ACTN3: variants seen among roughly 807,000 people sequenced by gnomAD.
The protein encoded by ACTN3 is actinin alpha 3.
In ACTN3, 91 loss-of-function variants were observed where a neutral mutation model predicts 119.6. The ratio of observed to expected loss-of-function variants is 0.76; its 90% CI spans 0.64 to 0.91. The LOEUF is 0.91. ACTN3 is among the 40% of genes least tolerant of loss of function. ACTN3 has a pLI of 0.00. For missense variants in ACTN3, 1,221 were observed against 1,215.1 expected (o/e 1.00, Z -0.07); for synonymous variants, 456 against 478.8 (o/e 0.95, Z 0.62).
Position 66,562,831 on chromosome 11 carries a change from G to A in ACTN3, c.2424G>A (p.Val808=), listed in dbSNP as rs1288478022. 1 of 1,613,290 alleles carries A rather than the reference G, an allele frequency of 6.2e-7. No individual in the cohort carries two copies. The highest frequency in any genetic ancestry group is 8.5e-7 in the Non-Finnish European group (1 of 1,179,580). Residue 808 remains valine, a synonymous_variant, in exon 20 of 21, where the codon GTG becomes GTA. Transcript: ENST00000513398. The stretch of plus-strand genomic sequence containing the variant: ...AGTTTGCTCGCATCATGACCATGGT[G>A]GACCCCAACGCAGCTGGGGTGGTGA... ...EVEFARIMTM[V]DPNAAGVVTF... is the part of the protein sequence containing the mutation.
intron 3 of ACTN3, among the ~76,000 whole-genome samples, 192 bp from the exon 4 acceptor site, chr11:66,553,853 C>CAAAAA (rs11448724): frequency 1.2e-5 from 1 of 81,736 alleles, no homozygotes. Flanking sequence ...GACTCCATCT[C>CAAAAA]AAAAAAAAAA....
chr11:66,563,027 C>G lies in ACTN3; in HGVS notation c.2548-8C>G. ...GACCTGTGGGTCCTCAACGCCTCTT[C>G]TCCCCAGAACTACATCACCCCCGAG... On this transcript the variant is annotated splice_region_variant and splice_polypyrimidine_tract_variant and intron_variant, in intron 20 of 20. Transcript: ENST00000513398. 1 of 1,609,326 alleles carries G rather than the reference C, an allele frequency of 6.2e-7. No individual in the cohort carries two copies. Among genetic ancestry groups the G allele is most frequent in the Non-Finnish European group, 8.5e-7 (1 of 1,177,114 alleles).
At position 66,563,320 on chromosome 11, in the gene ACTN3, C is replaced by A. The variant is rs915643510; in HGVS notation, c.*127C>A. 3.1e-5 allele frequency: 37 copies of A among 1,209,960 alleles called. No homozygotes were observed. Among genetic ancestry groups the A allele is most frequent in the Non-Finnish European group, 4.1e-5 (37 of 898,058 alleles). 75.0% of individuals were successfully genotyped at this position (1,209,960 alleles called of 1,614,324 possible). On this transcript the variant is annotated 3_prime_UTR_variant, in exon 21 of 21. Coordinates refer to ENST00000513398, the MANE Select transcript of ACTN3 (RefSeq NM_001104.4). The stretch of plus-strand genomic sequence containing the variant: ...AGTGCTTCTGAATAAAGATCCCTCT[C>A]TGGGTCTCTCCCCATCTCCTTTTAG...
chr11:66,549,784 C>A (rs1857436315), intron 1 of ACTN3, among the ~76,000 whole-genome samples: 1 of 149,596 alleles, frequency 6.7e-6, no homozygotes, highest in Non-Finnish European at 1.5e-5. Context: ...CCCAGACCTG[C>A]CTATCCCCCT....
Position 66,561,583 on chromosome 11 carries a change from G to C in ACTN3, c.2121G>C (p.Gln707His). 6.2e-7 allele frequency: 1 copy of C among 1,613,068 alleles called. No individual in the cohort carries two copies. Among genetic ancestry groups the C allele is most frequent in the Non-Finnish European group, 8.5e-7 (1 of 1,179,618 alleles). Residue 707 changes from glutamine to histidine, a missense_variant, in exon 17 of 21, where the codon CAG (glutamine) becomes CAC (histidine). Around this residue, in one of 3 missense-constraint regions of ACTN3, gnomAD observed 934 missense variants for 899.9 expected, o/e 1.04. Transcript: ENST00000513398. The stretch of plus-strand genomic sequence containing the variant: ...TTGACCGGCTGGAGGGTGACCACCA[G>C]CTGCTGCAGGAGAGCCTGGTGTTCG... The part of the protein sequence containing the change: ...TNIDRLEGDH[Q>H]LLQESLVFDN...
chr11:66,555,634 T>C (rs1196540093), intron 7 of ACTN3, among the ~76,000 whole-genome samples: 4 of 152,192 alleles, frequency 2.6e-5, no homozygotes, highest in Admixed American at 2.0e-4. Flanking sequence ...CCTGGGATGT[T>C]GGTCCCCCAA....
At chr11:66,546,442 G>A, upstream of ACTN3, 2 of 1,221,630 alleles carry the variant, frequency 1.6e-6, no homozygotes, top group Admixed American at 2.4e-5. Context: ...CGTTCCCCAT[G>A]CCCGGGTGTC....
chr11:66,560,826 C>T, intron 15 of ACTN3, 71 bp downstream of exon 15: 1 of 1,493,418 alleles, frequency 6.7e-7, no homozygotes, highest in Non-Finnish European at 9.1e-7. Flanking sequence ...CTCGGGTGGC[C>T]CAAGATATGG....
In ACTN3 at chr11:66,560,077, G is replaced by A; in HGVS notation, c.1536+1G>A. 6.3e-7 allele frequency: 1 copy of A among 1,576,598 alleles called. No homozygotes were observed. Among genetic ancestry groups the A allele is most frequent in the Non-Finnish European group, 8.6e-7 (1 of 1,163,538 alleles). ...CCAGAAGAGGCGGGATGCGCTAGAGGTGGGGCTGGGGGCCGGGGAGCTGGG... is the reference window on the plus strand; with the variant it reads ...CCAGAAGAGGCGGGATGCGCTAGAGATGGGGCTGGGGGCCGGGGAGCTGGG... On this transcript the variant is annotated splice_donor_variant, in intron 13 of 20. Transcript: ENST00000513398. LOFTEE classifies it high-confidence loss of function.
In ACTN3 at chr11:66,561,617, C is replaced by T. The variant is rs768200266; in HGVS notation, c.2155C>T (p.His719Tyr). The change falls in exon 17 of 21, where the codon CAC becomes TAC. Residue 719 changes from histidine (H) to tyrosine (Y), a missense_variant. Around this residue, in one of 3 missense-constraint regions of ACTN3, gnomAD observed 934 missense variants for 899.9 expected, o/e 1.04. Transcript: ENST00000513398. Reference protein sequence around the residue: ...LQESLVFDNKHTVYSMEHIRV... With the variant: ...LQESLVFDNKYTVYSMEHIRV... ...GGAGAGCCTGGTGTTCGACAATAAG[C>T]ACACCGTCTACAGCATGGAGGTGGG... is the stretch of plus-strand genomic sequence containing the variant. The T allele has an allele frequency of 6.2e-6, 10 of 1,612,496 alleles. No individual in the cohort carries two copies. The South Asian group carries it at 7.7e-5, about 12-fold the overall frequency.
chr11:66,546,557 T>TCA, upstream of ACTN3: 1 of 1,535,524 alleles, frequency 6.5e-7, no homozygotes. Context: ...TGGAAGAGGC[T>TCA]CACGAGGAGC....
chr11:66,550,797 G>C (rs1177087680), intron 1 of ACTN3, among the ~76,000 whole-genome samples: 1 of 152,180 alleles, frequency 6.6e-6, no homozygotes, highest in Non-Finnish European at 1.5e-5. Context: ...CAGAAACACA[G>C]AGACAGTCCC....
chr11:66,557,700 T>C lies in ACTN3; in HGVS notation c.899T>C (p.Leu300Pro). 1.2e-6 allele frequency: 2 copies of C among 1,609,174 alleles called. No individual in the cohort carries two copies. Among genetic ancestry groups the C allele is most frequent in the Non-Finnish European group, 1.7e-6 (2 of 1,177,982 alleles). ...MEEYEKLASELLEWIRRTVPW... is the reference protein window; with the variant it reads ...MEEYEKLASEPLEWIRRTVPW... ...CTTGCCCCTGCCTGGCCCTGTCAGC[T>C]GCTGGAGTGGATCCGCCGCACTGTC... The change falls in exon 10 of 21, where the codon CTG becomes CCG. Residue 300 changes from leucine to proline, a missense_variant and splice_region_variant. By Grantham distance (98) the Leu-to-Pro change is moderately conservative. Coordinates refer to ENST00000513398, the MANE Select transcript of ACTN3 (RefSeq NM_001104.4).
chr11:66,558,147 G>T lies in ACTN3; in HGVS notation c.1249G>T (p.Ala417Ser), dbSNP rs201812719. 893 of 1,613,712 alleles carry T rather than the reference G, an allele frequency of 5.5e-4. 12 individuals carry two copies. The East Asian group carries it at 0.016, about 29-fold the overall frequency. Residue 417 changes from alanine (A) to serine (S), a missense_variant, in exon 11 of 21, where the codon GCC (alanine) becomes TCC (serine). Transcript: ENST00000513398. The stretch of plus-strand genomic sequence containing the variant: ...CCTGGCTGAGAAGTTCCGGCAGAAG[G>T]CCTCCCTGCACGAAGCCTGGACCCG... ...QHLAEKFRQK[A>S]SLHEAWTRGK...
intron 15 of ACTN3, among the ~76,000 whole-genome samples, chr11:66,561,015 C>A (rs904383225): frequency 1.1e-5 from 1 of 90,090 alleles, no homozygotes; most frequent in Non-Finnish European, 2.1e-5. Flanking sequence ...ATAAATCCAC[C>A]CATATTAGTA....
chr11:66,561,390 G>C (rs1162056410), intron 16 of ACTN3, 29 bp downstream of exon 16: 1 of 1,606,204 alleles, frequency 6.2e-7, no homozygotes, highest in Non-Finnish European at 8.5e-7. Context: ...GGTCCAACCT[G>C]GGGGGATGGG....
At chr11:66,559,690 C>A (rs984693692) in intron 12 of ACTN3, among the ~76,000 whole-genome samples, 23 of 152,034 alleles carry the variant, frequency 1.5e-4, no homozygotes, top group African/African-American at 5.5e-4. Context: ...TCAGCCTTGG[C>A]CTGGCCACCC....
chr11:66,554,526 C>G lies in ACTN3; in HGVS notation c.470-10C>G, dbSNP rs373396941. ...TTCCCAATGAATCCTCCCACCTCCCCCCGACCCAGAAACCTCAGCCAAGGA... is the reference window on the plus strand; with the variant it reads ...TTCCCAATGAATCCTCCCACCTCCCGCCGACCCAGAAACCTCAGCCAAGGA... On this transcript the variant is annotated splice_polypyrimidine_tract_variant and intron_variant, in intron 4 of 20. Transcript: ENST00000513398. 4.4e-6 allele frequency: 7 copies of G among 1,603,144 alleles called. No individual in the cohort carries two copies. Among genetic ancestry groups the G allele is most frequent in the Non-Finnish European group, 6.0e-6 (7 of 1,174,120 alleles).
At chr11:66,559,135 G>C in intron 11 of ACTN3, 101 bp from the exon 12 acceptor site, 1 of 1,295,866 alleles carries the variant, frequency 7.7e-7, no homozygotes, top group African/African-American at 1.5e-5. Flanking sequence ...AGGCCGGTGC[G>C]ATCGCCACCT....
Sources: gnomAD v4.1 joint callset for allele counts (sites outside exome capture counted in the v4.1 genomes callset) on GRCh38, gnomAD v4.1.1 for gene constraint, gnomAD v4.1.1 regional missense constraint, MANE v1.5 for transcripts, NCBI Gene and HGNC (gene_info 2026-07-23, HGNC 2026-07-21) for gene names.